The following RBM18 variants were observed in gnomAD, a reference collection of about 807,000 sequenced individuals.
RBM18 encodes probable RNA-binding protein 18.
Under a neutral mutation model 26.4 loss-of-function variants are expected in RBM18, and 18 were observed. The observed-to-expected ratio is 0.68, with a 90% CI of 0.47 to 1.01. RBM18 has a LOEUF of 1.01. RBM18 is among the 50% of genes least tolerant of loss of function. The pLI is 0.00. For missense variants in RBM18, 180 were observed against 219.2 expected, an observed-to-expected ratio of 0.82 and a Z score of 1.13; for synonymous variants, 74 against 81.1, an observed-to-expected ratio of 0.91 and a Z score of 0.47.
intron 2 of RBM18, among the ~76,000 whole-genome samples, chr9:122,257,915 C>T (rs1462017704): frequency 1.3e-5 from 2 of 151,936 alleles, no homozygotes; most frequent in African/African-American, 4.8e-5. Context: ...CTGGAGGATG[C>T]TCTGCAAATT....
At chr9:122,263,224 AC>A (rs2118981748) in intron 1 of RBM18, among the ~76,000 whole-genome samples, 1 of 152,344 alleles carries the variant, frequency 6.6e-6, no homozygotes, top group East Asian at 1.9e-4. Flanking sequence ...AATACCCTGC[AC>A]ATGAGGGTAT....
intron 2 of RBM18, among the ~76,000 whole-genome samples, chr9:122,254,964 CAA>C (rs1429591535): frequency 1.3e-5 from 2 of 151,954 alleles, no homozygotes; most frequent in Non-Finnish European, 2.9e-5. Flanking sequence ...GTACTAAAGA[CAA>C]AGGTGAAAAA....
At chr9:122,260,689 G>T (rs1305234425) in intron 2 of RBM18, among the ~76,000 whole-genome samples, 1 of 152,172 alleles carries the variant, frequency 6.6e-6, no homozygotes, top group East Asian at 1.9e-4. Context: ...GTTCTACAGA[G>T]CCTAAACAGG....
At position 122,239,377 on chromosome 9, in the gene RBM18, C is replaced by A. The variant is rs1831376557; in HGVS notation, c.*2507G>T. On this transcript the variant is annotated 3_prime_UTR_variant, in exon 6 of 6. Coordinates refer to ENST00000417201, the MANE Select transcript of RBM18 (RefSeq NM_033117.4). ...TCTTTCCTCATGTGATACTCCTCCC[C>A]AGTACTAAGATACCAATTATAGAAA... 1 of 152,124 alleles carries A rather than the reference C, an allele frequency of 6.6e-6. No homozygotes were observed. Among genetic ancestry groups the A allele is most frequent in the African/African-American group, 2.4e-5 (1 of 41,430 alleles). The allele number at this position is 152,124 out of a possible 1,614,324, so 9.4% of individuals were successfully genotyped here.
intron 4 of RBM18, among the ~76,000 whole-genome samples, 194 bp downstream of exon 4, chr9:122,247,324 C>T (rs1158785435): frequency 3.3e-5 from 5 of 151,938 alleles, no homozygotes. Flanking sequence ...GAGAAATAAC[C>T]AAGGAACTTA....
chr9:122,257,330 T>C (rs966149722), intron 2 of RBM18, among the ~76,000 whole-genome samples: 3 of 152,204 alleles, frequency 2.0e-5, no homozygotes, highest in Non-Finnish European at 4.4e-5. Flanking sequence ...TCTTTTTTAG[T>C]TGAGACAGGG....
chr9:122,263,924 G>C (rs1476450783), intron 1 of RBM18, among the ~76,000 whole-genome samples: 1 of 152,162 alleles, frequency 6.6e-6, no homozygotes, highest in African/African-American at 2.4e-5. Context: ...GCATCCTCTC[G>C]ATAGAAAAGC....
At chr9:122,264,479 G>T (rs1831916660) in intron 1 of RBM18, 2 of 152,232 alleles carry the variant, frequency 1.3e-5, no homozygotes, top group Admixed American at 6.5e-5. Context: ...ATCCAGAGAA[G>T]AAGAGACACC....
At chr9:122,246,245 C>G (rs12343970) in intron 4 of RBM18, among the ~76,000 whole-genome samples, 1 of 151,930 alleles carries the variant, frequency 6.6e-6, no homozygotes, top group Non-Finnish European at 1.5e-5. Flanking sequence ...TGGGCTGAAG[C>G]GATCCTCCTG....
Position 122,251,989 on chromosome 9 carries a change from A to G in RBM18, c.114-16T>C, listed in dbSNP as rs766948903. 2.5e-6 allele frequency: 4 copies of G among 1,613,456 alleles called. No homozygotes were observed. The African/African-American group carries it at 4.0e-5, about 16-fold the overall frequency. On this transcript the variant is annotated splice_polypyrimidine_tract_variant and intron_variant, in intron 2 of 5. Transcript: ENST00000417201. The stretch of plus-strand genomic sequence containing the variant: ...GAGGTGGTATCTGTGGAGAAAGAAG[A>G]GTCCATGAGTATGCTCTGGGAATTC...
intron 3 of RBM18, among the ~76,000 whole-genome samples, chr9:122,249,544 T>C (rs973311958): frequency 2.6e-5 from 4 of 151,094 alleles, no homozygotes; most frequent in African/African-American, 9.8e-5. Context: ...CCCCCGCTTC[T>C]ACAAAAAATA....
chr9:122,252,599 T>C (rs1451395197), intron 2 of RBM18, among the ~76,000 whole-genome samples: 2 of 152,202 alleles, frequency 1.3e-5, no homozygotes, highest in African/African-American at 4.8e-5. Flanking sequence ...TGACTGAACA[T>C]GAGGACAATG....
At chr9:122,245,400 G>C in intron 4 of RBM18, 59 bp from the exon 5 acceptor site, 2 of 1,053,640 alleles carry the variant, frequency 1.9e-6, no homozygotes, top group Non-Finnish European at 2.9e-6. Flanking sequence ...CTTTACTGTA[G>C]TGGATGGGTT....
intron 5 of RBM18, among the ~76,000 whole-genome samples, chr9:122,243,245 T>C (rs1831452859): frequency 6.6e-6 from 1 of 152,226 alleles, no homozygotes; most frequent in Non-Finnish European, 1.5e-5. Context: ...ATGCTGGGAT[T>C]ACAGGCATGA....
chr9:122,257,145 G>A (rs974956701), intron 2 of RBM18, among the ~76,000 whole-genome samples: 31 of 152,192 alleles, frequency 2.0e-4, no homozygotes, highest in Middle Eastern at 3.4e-3. Flanking sequence ...GCGCGATCTC[G>A]GCTCACTGCA....
chr9:122,262,621 T>C (rs1329349700), intron 1 of RBM18, among the ~76,000 whole-genome samples: 1 of 152,166 alleles, frequency 6.6e-6, no homozygotes, highest in African/African-American at 2.4e-5. Context: ...TCTCGCTCTG[T>C]TGCCCAGACT....
intron 3 of RBM18, among the ~76,000 whole-genome samples, chr9:122,250,380 C>T (rs1426544781): frequency 6.6e-6 from 1 of 152,218 alleles, no homozygotes; most frequent in Non-Finnish European, 1.5e-5. Context: ...AAAATACTCA[C>T]TCTTGTGATA....
At chr9:122,243,606 T>C (rs1396546303) in intron 5 of RBM18, 2 of 496,404 alleles carry the variant, frequency 4.0e-6, no homozygotes, top group Middle Eastern at 9.7e-4. Flanking sequence ...TTTTCCATTC[T>C]TGATGCGTTA....
chr9:122,260,426 C>T (rs1277067965), intron 2 of RBM18, among the ~76,000 whole-genome samples: 1 of 152,206 alleles, frequency 6.6e-6, no homozygotes, highest in East Asian at 1.9e-4. Flanking sequence ...ACTCATTGTA[C>T]TCTGCCACCA....
Sources: gnomAD v4.1 joint callset for allele counts (sites outside exome capture counted in the v4.1 genomes callset) on GRCh38, gnomAD v4.1.1 for gene constraint, MANE v1.5 for transcripts, NCBI Gene and HGNC (gene_info 2026-07-23, HGNC 2026-07-21) for gene names.